Variants in CFAP221 observed in about 807,000 individuals in gnomAD.
CFAP221 encodes the protein cilia- and flagella-associated protein 221.
Under a neutral mutation model 113.1 loss-of-function variants are expected in CFAP221, and 97 were observed. The observed-to-expected ratio is 0.86, with a 90% CI of 0.73 to 1.02. CFAP221 has a LOEUF of 1.02. Among genes scored for constraint, CFAP221 ranks in the 50% least tolerant of loss-of-function variants. CFAP221 has a pLI of 0.00. For missense variants in CFAP221, 1,025 were observed against 1,013.4 expected (o/e 1.01, Z -0.16); for synonymous variants, 331 against 354.4 (o/e 0.93, Z 0.74).
chr2:119,563,507 T>C (rs1210056678), intron 6 of CFAP221, among the ~76,000 whole-genome samples: 1 of 152,042 alleles, frequency 6.6e-6, no homozygotes. Flanking sequence ...GAGTCCCCTA[T>C]CCCTCCACCC....
intron 20 of CFAP221, 126 bp from the exon 21 acceptor site, chr2:119,639,655 C>A: frequency 1.4e-6 from 1 of 716,342 alleles, no homozygotes; most frequent in Non-Finnish European, 2.4e-6. Context: ...AAAATTCAAA[C>A]TGAATGAAAT....
In CFAP221 at chr2:119,594,171, G is replaced by GC. The variant is rs1345677483; in HGVS notation, c.631+6950dup. Reference sequence around the variant, plus strand: ...TTCTGGTGACTATTCCTGTGATGAGGCATACTGTCTGTTTTCTTTAAGACT... The same window carrying GC: ...TTCTGGTGACTATTCCTGTGATGAGGCCATACTGTCTGTTTTCTTTAAGACT... On this transcript the variant is annotated intron_variant, in intron 7 of 23. Transcript: ENST00000413369. Among the ~76,000 whole-genome samples, 136 of 152,104 alleles carry GC rather than the reference G, an allele frequency of 8.9e-4. 2 individuals are homozygous for GC. The highest frequency in any genetic ancestry group is 3.1e-3 in the African/African-American group (128 of 41,496).
chr2:119,568,868 C>T (rs1040286114), intron 6 of CFAP221, among the ~76,000 whole-genome samples: 8 of 152,134 alleles, frequency 5.3e-5, no homozygotes, highest in African/African-American at 1.4e-4. Context: ...CTTCTTTTAA[C>T]GTTTCTCGCA....
chr2:119,642,699 C>T (rs940710334), intron 21 of CFAP221, among the ~76,000 whole-genome samples: 1 of 152,016 alleles, frequency 6.6e-6, no homozygotes, highest in Non-Finnish European at 1.5e-5. Context: ...TCATCATGCT[C>T]AGCCAATTTT....
intron 6 of CFAP221, among the ~76,000 whole-genome samples, chr2:119,577,749 A>G (rs750922616): frequency 1.8e-4 from 27 of 152,212 alleles, no homozygotes; most frequent in Non-Finnish European, 2.9e-4. Context: ...TACCAAAACA[A>G]AGACTTTAAG....
intron 12 of CFAP221, among the ~76,000 whole-genome samples, chr2:119,609,658 T>C (rs1038433384): frequency 2.0e-5 from 3 of 152,196 alleles, no homozygotes; most frequent in Non-Finnish European, 4.4e-5. Context: ...CATTTCTAAA[T>C]ACCATCACAT....
At chr2:119,592,517 A>G (rs1683668689) in intron 7 of CFAP221, among the ~76,000 whole-genome samples, 1 of 152,174 alleles carries the variant, frequency 6.6e-6, no homozygotes. Flanking sequence ...CTCTTTTGTG[A>G]CCATGAATGC....
chr2:119,596,742 C>A (rs1388503068), intron 7 of CFAP221, among the ~76,000 whole-genome samples: 1 of 152,250 alleles, frequency 6.6e-6, no homozygotes, highest in Non-Finnish European at 1.5e-5. Context: ...GTGTCTTCAT[C>A]TGCTATGGCT....
At chr2:119,612,146 C>G (rs1344215740) in intron 13 of CFAP221, among the ~76,000 whole-genome samples, 1 of 152,214 alleles carries the variant, frequency 6.6e-6, no homozygotes, top group Non-Finnish European at 1.5e-5. Flanking sequence ...AACTCTATGA[C>G]AGATTTGGGA....
intron 16 of CFAP221, among the ~76,000 whole-genome samples, chr2:119,628,769 T>C (rs1393770179): frequency 2.0e-5 from 3 of 152,258 alleles, no homozygotes; most frequent in Non-Finnish European, 4.4e-5. Context: ...TTTTGATAAT[T>C]GTGTGACTTA....
intron 3 of CFAP221, among the ~76,000 whole-genome samples, chr2:119,558,014 C>T (rs180989418): frequency 6.7e-6 from 1 of 150,316 alleles, no homozygotes; most frequent in East Asian, 2.0e-4. Context: ...TTCCTCTAAG[C>T]TTAACCACTC....
At chr2:119,612,993 C>T (rs1485981544) in intron 13 of CFAP221, among the ~76,000 whole-genome samples, 42 of 152,146 alleles carry the variant, frequency 2.8e-4, no homozygotes, top group Admixed American at 2.4e-3. Flanking sequence ...ATACCCATTC[C>T]AAATGGGAGA....
intron 7 of CFAP221, among the ~76,000 whole-genome samples, chr2:119,599,344 A>T (rs988739180): frequency 1.1e-4 from 17 of 152,178 alleles, no homozygotes; most frequent in African/African-American, 4.1e-4. Context: ...GTTCCTGTGG[A>T]GGGAGAGGCA....
chr2:119,627,188 G>A (rs1574173341), intron 15 of CFAP221, among the ~76,000 whole-genome samples: 2 of 151,820 alleles, frequency 1.3e-5, no homozygotes, highest in East Asian at 3.9e-4. Context: ...CCACACTCCC[G>A]TCTGCCACTC....
intron 22 of CFAP221, among the ~76,000 whole-genome samples, chr2:119,648,220 G>A (rs941404253): frequency 2.0e-5 from 3 of 152,152 alleles, no homozygotes; most frequent in Admixed American, 2.0e-4. Flanking sequence ...TGGTAGGCAA[G>A]CAACAGCTCA....
intron 6 of CFAP221, among the ~76,000 whole-genome samples, chr2:119,584,913 C>T (rs751440196): frequency 6.6e-6 from 1 of 152,126 alleles, no homozygotes; most frequent in Non-Finnish European, 1.5e-5. Flanking sequence ...TTTTACTTTG[C>T]TACTAACCAG....
rs758070343 is a variant in CFAP221, at chr2:119,656,367, T to G, written c.2420T>G (p.Val807Gly). ...NYKDIRKEKE[V>G]KDQAQPAEKA... ...TTGGGTTTTTTGATACTCAGAGAAGTGAAAGATCAAGCACAACCAGCAGAG... is the reference window on the plus strand; with the variant it reads ...TTGGGTTTTTTGATACTCAGAGAAGGGAAAGATCAAGCACAACCAGCAGAG... The change falls in exon 24 of 24, where the codon GTG becomes GGG. Residue 807 changes from valine to glycine, a missense_variant. By Grantham distance (109) the Val-to-Gly change is moderately radical. Transcript: ENST00000413369. 2 of 1,613,784 alleles carry G rather than the reference T, an allele frequency of 1.2e-6. No homozygotes were observed. Among genetic ancestry groups the G allele is most frequent in the Admixed American group, 3.3e-5 (2 of 59,986 alleles).
intron 23 of CFAP221, among the ~76,000 whole-genome samples, chr2:119,654,054 G>A (rs148756029): frequency 2.0e-4 from 31 of 151,766 alleles, no homozygotes; most frequent in African/African-American, 3.6e-4. Flanking sequence ...TCAGTTTGTC[G>A]TCTACTTTGT....
At chr2:119,645,257 T>C (rs1386821346) in intron 21 of CFAP221, among the ~76,000 whole-genome samples, 2 of 151,840 alleles carry the variant, frequency 1.3e-5, no homozygotes, top group Non-Finnish European at 2.9e-5. Flanking sequence ...GATTTAATTT[T>C]ATTTTTTCAA....
Sources: gnomAD v4.1 joint callset for allele counts (sites outside exome capture counted in the v4.1 genomes callset) on GRCh38, gnomAD v4.1.1 for gene constraint, MANE v1.5 for transcripts, NCBI Gene and HGNC (gene_info 2026-07-23, HGNC 2026-07-21) for gene names.